The following CDC42BPB variants were observed in gnomAD, a reference collection of about 807,000 sequenced individuals.
CDC42BPB encodes CDC42 binding protein kinase beta.
CDC42BPB carries 37 observed loss-of-function variants against 214.9 expected under a neutral mutation model. That is an observed-to-expected ratio of 0.17 (90% CI 0.13 to 0.23). The LOEUF is 0.23. CDC42BPB is among the 10% of genes least tolerant of loss of function. CDC42BPB has a pLI of 1.00. For synonymous variants in CDC42BPB, 931 were observed against 884.0 expected (o/e 1.05, Z -0.94); for missense variants, 1,694 against 2,227.0 (o/e 0.76, Z 4.82).
At chr14:103,002,350 C>T (rs1895027560) in intron 4 of CDC42BPB, among the ~76,000 whole-genome samples, 1 of 152,248 alleles carries the variant, frequency 6.6e-6, no homozygotes, top group South Asian at 2.1e-4. Context: ...ACTCCAAAAT[C>T]TCAAGAACAT....
intron 20 of CDC42BPB, among the ~76,000 whole-genome samples, chr14:102,960,214 C>A (rs557809271): frequency 6.6e-6 from 1 of 151,570 alleles, no homozygotes; most frequent in Admixed American, 6.6e-5. Flanking sequence ...CAAAAAAAAA[C>A]AAAAACAAAA....
At chr14:102,995,547 G>A (rs1204477544) in intron 5 of CDC42BPB, among the ~76,000 whole-genome samples, 2 of 152,226 alleles carry the variant, frequency 1.3e-5, no homozygotes, top group Non-Finnish European at 2.9e-5. Flanking sequence ...TGACCTCTCA[G>A]GAAGGAGCTG....
chr14:102,952,420 C>T, intron 24 of CDC42BPB, 78 bp downstream of exon 24: 1 of 887,950 alleles, frequency 1.1e-6, no homozygotes, highest in Non-Finnish European at 1.8e-6. Flanking sequence ...TCAGGGCTGC[C>T]CTGGAGCCGG....
At chr14:102,956,903 G>T (rs1451732719) in intron 21 of CDC42BPB, among the ~76,000 whole-genome samples, 1 of 151,594 alleles carries the variant, frequency 6.6e-6, no homozygotes, top group African/African-American at 2.4e-5. Flanking sequence ...TATGGGCCAG[G>T]CATGGTGGCT....
In CDC42BPB at chr14:103,032,913, G is replaced by A. The variant is rs75494787; in HGVS notation, c.176-20725C>T. On this transcript the variant is annotated intron_variant, in intron 1 of 36. Coordinates refer to ENST00000361246, the MANE Select transcript of CDC42BPB (RefSeq NM_006035.4). ...ATTACAGGCATAATCCACCGTGCCC[G>A]GCCACAAATCCACTTTTTTTAAAAA... Among the ~76,000 whole-genome samples the A allele has an allele frequency of 6.1e-3, 902 of 147,574 alleles. 13 individuals are homozygous for A. Among genetic ancestry groups the A allele is most frequent in the African/African-American group, 0.021 (860 of 40,088 alleles).
chr14:102,952,218 G>A (rs1892521313), intron 24 of CDC42BPB, among the ~76,000 whole-genome samples: 1 of 152,180 alleles, frequency 6.6e-6, no homozygotes, highest in Admixed American at 6.5e-5. Context: ...CAGGCATGCT[G>A]GTGGTGTGTG....
At chr14:102,981,093 AG>A in intron 7 of CDC42BPB, 72 bp from the exon 8 acceptor site, 2 of 1,587,454 alleles carry the variant, frequency 1.3e-6, no homozygotes, top group Non-Finnish European at 1.7e-6. Context: ...CAGATATGAT[AG>A]GAAACAAAGT....
In CDC42BPB at chr14:102,938,334, G is replaced by C. The variant is rs1360690370; in HGVS notation, c.4905C>G (p.Asn1635Lys). 1 of 1,605,540 alleles carries C rather than the reference G, an allele frequency of 6.2e-7. No individual in the cohort carries two copies. Among genetic ancestry groups the C allele is most frequent in the Admixed American group, 1.7e-5 (1 of 58,726 alleles). Residue 1635 changes from asparagine (N) to lysine (K), a missense_variant, in exon 35 of 37, where the codon AAC becomes AAG. Physicochemically the swap from Asn to Lys is moderately conservative, Grantham distance 94. Transcript: ENST00000361246. The part of the protein sequence containing the change: ...TNLARQPPSR[N>K]KPYISWPSSG... The stretch of plus-strand genomic sequence containing the variant: ...ATGAGGGCCACGAGATGTAGGGCTT[G>C]TTCCTGGATGGAGGCTGGCGAGCCA...
intron 1 of CDC42BPB, 25 bp from the exon 2 acceptor site, chr14:103,012,213 C>T (rs1173523580): frequency 6.3e-7 from 1 of 1,581,688 alleles, no homozygotes; most frequent in Non-Finnish European, 8.7e-7. Context: ...GTAAAACCAA[C>T]AATTTAGTCT....
In CDC42BPB at chr14:102,932,897, G is replaced by T. The variant is rs35903000; in HGVS notation, c.*815C>A. The stretch of plus-strand genomic sequence containing the variant: ...TGGTGGGGGGGGGGGCGGGCAGGGC[G>T]GGGCGGGGTGGGGTATCCCAGTGGC... On this transcript the variant is annotated 3_prime_UTR_variant, in exon 37 of 37. Coordinates refer to ENST00000361246, the MANE Select transcript of CDC42BPB (RefSeq NM_006035.4). The T allele has an allele frequency of 3.2e-5, 4 of 123,640 alleles. No individual in the cohort carries two copies. The South Asian group carries it at 9.7e-4, about 30-fold the overall frequency. 7.7% of individuals were successfully genotyped at this position (123,640 alleles called of 1,614,324 possible).
intron 1 of CDC42BPB, among the ~76,000 whole-genome samples, chr14:103,021,141 A>AGG (rs1886747848): frequency 6.6e-6 from 1 of 152,214 alleles, no homozygotes; most frequent in East Asian, 1.9e-4. Context: ...GAGACTTTAG[A>AGG]GGATTAAAAA....
At chr14:102,973,884 G>A in intron 12 of CDC42BPB, 132 bp downstream of exon 12, 4 of 1,169,522 alleles carry the variant, frequency 3.4e-6, no homozygotes, top group Non-Finnish European at 3.5e-6. Context: ...GCTTGGCCCT[G>A]GCGTCCTGCA....
intron 25 of CDC42BPB, among the ~76,000 whole-genome samples, 184 bp downstream of exon 25, chr14:102,950,282 G>C (rs1032455134): frequency 1.3e-5 from 2 of 152,246 alleles, no homozygotes; most frequent in East Asian, 3.8e-4. Context: ...AGGATGCCCA[G>C]GCCATTCAGA....
chr14:103,056,912 G>C (rs1889012897), intron 1 of CDC42BPB, 87 bp downstream of exon 1: 1 of 987,058 alleles, frequency 1.0e-6, no homozygotes, highest in Non-Finnish European at 1.4e-6. Flanking sequence ...GGGTCTGTCC[G>C]GGCGGGGATG....
chr14:103,011,049 A>G (rs1886128907), intron 2 of CDC42BPB, among the ~76,000 whole-genome samples: 1 of 152,248 alleles, frequency 6.6e-6, no homozygotes, highest in African/African-American at 2.4e-5. Flanking sequence ...AAAAAGCAGC[A>G]GCAAAGCTCT....
chr14:103,014,144 C>T (rs1344570382), intron 1 of CDC42BPB, among the ~76,000 whole-genome samples: 6 of 138,424 alleles, frequency 4.3e-5, no homozygotes, highest in East Asian at 2.2e-4. Flanking sequence ...CTAGCCTGGG[C>T]GACACAGCGA....
intron 29 of CDC42BPB, chr14:102,945,282 G>A (rs1308286957): frequency 2.2e-6 from 1 of 461,702 alleles, no homozygotes; most frequent in Non-Finnish European, 4.3e-6. Flanking sequence ...GGGCTGTGGA[G>A]CGGGTGCATG....
chr14:102,960,135 G>A (rs1892893492), intron 20 of CDC42BPB, among the ~76,000 whole-genome samples: 1 of 152,008 alleles, frequency 6.6e-6, no homozygotes, highest in African/African-American at 2.4e-5. Flanking sequence ...AGCCCAGGAG[G>A]CAGAGGTTGT....
chr14:103,053,575 C>A lies in CDC42BPB; in HGVS notation c.175+3424G>T, dbSNP rs561867318. Among the ~76,000 whole-genome samples, 249 of 151,284 alleles carry A rather than the reference C, an allele frequency of 1.6e-3. 3 individuals carry two copies. Among genetic ancestry groups the A allele is most frequent in the Non-Finnish European group, 2.4e-3 (160 of 67,824 alleles). The stretch of plus-strand genomic sequence containing the variant: ...TGGAGATCGAGACCATCCTGGCTAA[C>A]ACGGTGAAACCCCGTCTCTACTAAA... On this transcript the variant is annotated intron_variant, in intron 1 of 36. Transcript: ENST00000361246.
Sources: allele counts gnomAD v4.1 joint callset (sites outside exome capture counted in the v4.1 genomes callset), GRCh38; gene constraint gnomAD v4.1.1; transcripts MANE v1.5; gene names NCBI Gene and HGNC (gene_info 2026-07-23, HGNC 2026-07-21).